FOXP2: variants seen among roughly 807,000 people sequenced by gnomAD.
FOXP2 encodes the protein forkhead box protein P2.
Under a neutral mutation model 115.8 loss-of-function variants are expected in FOXP2, and 12 were observed. The ratio of observed to expected loss-of-function variants is 0.10; its 90% CI spans 0.07 to 0.17. The LOEUF is 0.17. Among genes scored for constraint, FOXP2 ranks in the 10% least tolerant of loss-of-function variants. The pLI, the probability that FOXP2 is intolerant of heterozygous loss-of-function variation, is 1.00. For missense variants in FOXP2, 629 were observed against 843.5 expected (o/e 0.75, Z 3.15); for synonymous variants, 328 against 297.7 (o/e 1.10, Z -1.05).
At chr7:114,399,477 G>T (rs1192248915) in intron 2 of FOXP2, among the ~76,000 whole-genome samples, 1 of 151,966 alleles carries the variant, frequency 6.6e-6, no homozygotes, top group Non-Finnish European at 1.5e-5. Context: ...GATATATTCT[G>T]GGTATTAAAT....
chr7:114,243,974 A>G lies in FOXP2; in HGVS notation c.-101-44045A>G, dbSNP rs144237197. ...GAGATGGCGAGATTAGAATCACTGA[A>G]AAGTTTTATAGGTTATTCTTTTTCA... On this transcript the variant is annotated intron_variant, in intron 1 of 17. Coordinates refer to the FOXP2 transcript ENST00000634411. Among the ~76,000 whole-genome samples the G allele has an allele frequency of 4.8e-3, 729 of 152,070 alleles. 10 individuals carry two copies. Among genetic ancestry groups the G allele is most frequent in the African/African-American group, 0.017 (693 of 41,488 alleles).
intron 2 of FOXP2, among the ~76,000 whole-genome samples, chr7:114,483,740 G>A (rs1796653589): frequency 6.6e-6 from 1 of 151,638 alleles, no homozygotes; most frequent in Non-Finnish European, 1.5e-5. Context: ...TGTCCAAAGG[G>A]TGCTTAACAT....
chr7:114,287,200 G>A (rs1458897819), intron 1 of FOXP2, among the ~76,000 whole-genome samples: 1 of 151,742 alleles, frequency 6.6e-6, no homozygotes, highest in African/African-American at 2.4e-5. Flanking sequence ...AAGAAGAATT[G>A]TCTTGGGCCA....
chr7:114,224,192 T>C (rs1794692455), intron 1 of FOXP2, among the ~76,000 whole-genome samples: 1 of 152,182 alleles, frequency 6.6e-6, no homozygotes, highest in South Asian at 2.1e-4. Context: ...CTCGCTATCT[T>C]AATTACTGAA....
At chr7:114,334,985 G>A (rs558782803) in intron 2 of FOXP2, among the ~76,000 whole-genome samples, 4 of 136,942 alleles carry the variant, frequency 2.9e-5, no homozygotes, top group African/African-American at 1.1e-4. Flanking sequence ...CTTCATACTT[G>A]TTTATCTTTC....
chr7:114,268,340 G>A (rs1294431653), intron 1 of FOXP2, among the ~76,000 whole-genome samples: 3 of 152,262 alleles, frequency 2.0e-5, no homozygotes, highest in East Asian at 1.9e-4. Context: ...ATGTGATTAT[G>A]AGTATTTGTG....
At chr7:114,149,572 G>A (rs1398142806) in intron 1 of FOXP2, among the ~76,000 whole-genome samples, 1 of 151,842 alleles carries the variant, frequency 6.6e-6, no homozygotes, top group African/African-American at 2.4e-5. Flanking sequence ...CCATCAAAGA[G>A]TTACTTTATT....
Position 114,457,374 on chromosome 7 carries a change from C to T in FOXP2, c.168+30695C>T, listed in dbSNP as rs1289556089. 2.6e-5 allele frequency among the ~76,000 whole-genome samples: 4 copies of T among 151,820 alleles called. No homozygotes were observed. In the South Asian group the frequency reaches 8.3e-4, roughly 32 times the overall value. ...ATAATACTCCTTTAAAGGTTAAGTT[C>T]TCTACTTTTTATCCCCTTGATTAAA... On this transcript the variant is annotated intron_variant, in intron 2 of 16. Coordinates refer to ENST00000350908, the MANE Select transcript of FOXP2 (RefSeq NM_014491.4).
chr7:114,159,937 G>T (rs573309231), upstream of FOXP2, among the ~76,000 whole-genome samples: 3 of 152,168 alleles, frequency 2.0e-5, no homozygotes, highest in Non-Finnish European at 4.4e-5. Flanking sequence ...AGAAATATTG[G>T]AGGAAAAGTG....
chr7:114,462,604 C>A (rs1795626314), intron 2 of FOXP2, among the ~76,000 whole-genome samples: 1 of 152,032 alleles, frequency 6.6e-6, no homozygotes, highest in Non-Finnish European at 1.5e-5. Flanking sequence ...ATCTCTTAAC[C>A]TGGTGATCCG....
intron 1 of FOXP2, among the ~76,000 whole-genome samples, chr7:114,148,327 A>G (rs1371580943): frequency 6.6e-6 from 1 of 152,162 alleles, no homozygotes; most frequent in Non-Finnish European, 1.5e-5. Flanking sequence ...AACATGTAAC[A>G]TGATTTATTT....
chr7:114,450,359 T>A (rs914131392), intron 2 of FOXP2, among the ~76,000 whole-genome samples: 8 of 152,076 alleles, frequency 5.3e-5, no homozygotes, highest in African/African-American at 1.9e-4. Flanking sequence ...ATGAACTTAA[T>A]CAGGCCTGCC....
chr7:114,519,918 T>C (rs913193600), intron 2 of FOXP2, among the ~76,000 whole-genome samples: 6 of 152,164 alleles, frequency 3.9e-5, no homozygotes, highest in Admixed American at 2.6e-4. Context: ...GTTTCCTTTC[T>C]GATAACAAAC....
Position 114,124,748 on chromosome 7 carries a change from C to T in FOXP2, c.-247+36910C>T, listed in dbSNP as rs146188996. 2.8e-3 allele frequency among the ~76,000 whole-genome samples: 431 copies of T among 151,972 alleles called. 1 individual carries two copies. Among genetic ancestry groups the T allele is most frequent in the African/African-American group, 0.01 (417 of 41,436 alleles). On this transcript the variant is annotated intron_variant, in intron 1 of 19. Transcript: ENST00000635638. ...CTTCCCAACCCCCTCTCACCTCTGC[C>T]ACCACCTCTGTTTTCTCCACCTTAC...
Position 114,679,692 on chromosome 7 carries a change from A to G in FOXP2, c.2004-10090A>G, listed in dbSNP as rs529302377. Among the ~76,000 whole-genome samples the G allele has an allele frequency of 3.3e-5, 5 of 151,988 alleles. No homozygotes were observed. The South Asian group carries it at 6.2e-4, about 19-fold the overall frequency. On this transcript the variant is annotated intron_variant, in intron 16 of 16. Transcript: ENST00000350908. ...ATGTCTACGATTCTCCATTTTCCCT[A>G]TTTCTACTTGGAATGTCCTCTCTCT...
At chr7:114,531,602 T>A (rs1799145313) in intron 2 of FOXP2, among the ~76,000 whole-genome samples, 1 of 151,872 alleles carries the variant, frequency 6.6e-6, no homozygotes, top group Non-Finnish European at 1.5e-5. Context: ...TGTTTTTTGT[T>A]CTCCCACCTC....
chr7:114,468,415 T>C (rs1311610538), intron 2 of FOXP2, among the ~76,000 whole-genome samples: 1 of 152,148 alleles, frequency 6.6e-6, no homozygotes, highest in African/African-American at 2.4e-5. Context: ...ATTATTACCT[T>C]CAGGATAAAA....
In FOXP2 at chr7:114,457,953, C is replaced by A. The variant is rs541230175; in HGVS notation, c.168+31274C>A. Among the ~76,000 whole-genome samples the A allele has an allele frequency of 4.0e-5, 6 of 151,054 alleles. No individual in the cohort carries two copies. In the East Asian group the frequency reaches 1.2e-3, roughly 29 times the overall value. Reference sequence around the variant, plus strand: ...TTAGAAAGATGACAACTTTACAAGGCAAGTGAATTCTGTTCTTCACTTCCA... The same window carrying A: ...TTAGAAAGATGACAACTTTACAAGGAAAGTGAATTCTGTTCTTCACTTCCA... On this transcript the variant is annotated intron_variant, in intron 2 of 16. Transcript: ENST00000350908.
At chr7:114,651,398 T>C (rs138757439) in intron 8 of FOXP2, among the ~76,000 whole-genome samples, 41 of 152,214 alleles carry the variant, frequency 2.7e-4, no homozygotes, top group African/African-American at 8.9e-4. Flanking sequence ...AATTACAGAG[T>C]ATATATTATT....
Sources: gnomAD v4.1 joint callset for allele counts (sites outside exome capture counted in the v4.1 genomes callset) on GRCh38, gnomAD v4.1.1 for gene constraint, MANE v1.5 for transcripts, NCBI Gene and HGNC (gene_info 2026-07-23, HGNC 2026-07-21) for gene names.